The following CLASP1 variants were observed in gnomAD, a reference collection of about 807,000 sequenced individuals.
CLASP1 encodes CLIP-associating protein 1.
Under a neutral mutation model 192.3 loss-of-function variants are expected in CLASP1, and 38 were observed. The ratio of observed to expected loss-of-function variants is 0.20; its 90% CI spans 0.15 to 0.26. The LOEUF (loss-of-function observed/expected upper bound fraction) is 0.26. Among genes scored for constraint, CLASP1 ranks in the 10% least tolerant of loss-of-function variants. The pLI is 1.00. For synonymous variants in CLASP1, 691 were observed against 712.8 expected, an observed-to-expected ratio of 0.97 and a Z score of 0.49; for missense variants, 1,433 against 1,932.5, an observed-to-expected ratio of 0.74 and a Z score of 4.85.
At chr2:121,618,975 G>A (rs2106081274) in intron 1 of CLASP1, among the ~76,000 whole-genome samples, 1 of 152,278 alleles carries the variant, frequency 6.6e-6, no homozygotes, top group South Asian at 2.1e-4. Context: ...ATATAATTGT[G>A]TACCTTGGAA....
chr2:121,638,795 G>A (rs183889950), intron 1 of CLASP1, among the ~76,000 whole-genome samples: 5,920 of 151,872 alleles, frequency 0.039, 164 homozygotes, highest in Non-Finnish European at 0.055. Flanking sequence ...AGCCTCCCAA[G>A]TAGCTGAGAT....
At chr2:121,475,749 C>T (rs986151287) in intron 8 of CLASP1, among the ~76,000 whole-genome samples, 12 of 152,190 alleles carry the variant, frequency 7.9e-5, no homozygotes, top group African/African-American at 2.7e-4. Context: ...ACATATGTTA[C>T]ACATAAAATC....
At chr2:121,368,556 T>C (rs2067916505) in intron 34 of CLASP1, among the ~76,000 whole-genome samples, 1 of 152,158 alleles carries the variant, frequency 6.6e-6, no homozygotes, top group Non-Finnish European at 1.5e-5. Context: ...TCACTTTTGC[T>C]TTTAGGGTCC....
Position 121,455,407 on chromosome 2 carries a change from C to A in CLASP1, c.1385+2280G>T, listed in dbSNP as rs71424388. 6.2e-3 allele frequency among the ~76,000 whole-genome samples: 937 copies of A among 152,218 alleles called. 7 individuals are homozygous for A. The highest frequency in any genetic ancestry group is 0.044 in the South Asian group (212 of 4,828). On this transcript the variant is annotated intron_variant, in intron 14 of 39. Coordinates refer to ENST00000263710, the Ensembl canonical transcript of CLASP1. ...CAAGATAGGGAATCAACCTAAGTAT[C>A]CATCAACAGATGAGGAGATAAAGAT...
chr2:121,434,540 A>G (rs1326320678), intron 19 of CLASP1, among the ~76,000 whole-genome samples: 3 of 152,198 alleles, frequency 2.0e-5, no homozygotes, highest in Admixed American at 6.5e-5. Flanking sequence ...TGCTCAGATT[A>G]TAGGTGTGAG....
intron 1 of CLASP1, among the ~76,000 whole-genome samples, chr2:121,648,595 C>T (rs182714832): frequency 1.3e-5 from 2 of 152,272 alleles, no homozygotes; most frequent in African/African-American, 4.8e-5. Flanking sequence ...CCCAGCAGCT[C>T]GGAAAACGGA....
chr2:121,431,540 A>G (rs1446933985), intron 19 of CLASP1, among the ~76,000 whole-genome samples: 2 of 152,378 alleles, frequency 1.3e-5, no homozygotes, highest in East Asian at 3.9e-4. Flanking sequence ...GGCAAATCAC[A>G]AAGGCAAAGT....
rs74454324 is a variant in CLASP1 at position 121,554,050 on chromosome 2, T to TA, written c.196-23726dup. ...GCAACATAGTGAGATGCCATCTCTT[T>TA]AAAAAAAAAAAAAAACTTAGATGTG... On this transcript the variant is annotated intron_variant, in intron 2 of 39. Coordinates refer to ENST00000263710, the Ensembl canonical transcript of CLASP1. 6.6e-3 allele frequency among the ~76,000 whole-genome samples: 918 copies of TA among 139,170 alleles called. 2 individuals carry two copies. The highest frequency in any genetic ancestry group is 0.026 in the Middle Eastern group (7 of 274). 91.3% of individuals were successfully genotyped at this position (139,170 alleles called of 152,430 possible). A position where few individuals can be genotyped will look rare whatever the true frequency, so the allele number is the denominator to read the frequency against.
intron 2 of CLASP1, among the ~76,000 whole-genome samples, 180 bp downstream of exon 2, chr2:121,605,516 ATGAGT>A (rs1486372055): frequency 6.6e-6 from 1 of 152,202 alleles, no homozygotes. Context: ...TTGATCTGCA[ATGAGT>A]ATCAAAGAAA....
chr2:121,437,997 T>G (rs1364441088), intron 19 of CLASP1, among the ~76,000 whole-genome samples: 1 of 152,204 alleles, frequency 6.6e-6, no homozygotes, highest in Non-Finnish European at 1.5e-5. Flanking sequence ...TTTAAACACT[T>G]TAGTTATTTT....
chr2:121,568,034 T>C (rs949495215), intron 2 of CLASP1, among the ~76,000 whole-genome samples: 2 of 152,204 alleles, frequency 1.3e-5, no homozygotes, highest in African/African-American at 2.4e-5. Flanking sequence ...CAAGGCTTTA[T>C]ACACTTTCAG....
At chr2:121,376,526 T>TGGGGAGGGGG (rs2070196783) in intron 34 of CLASP1, among the ~76,000 whole-genome samples, 26 of 105,124 alleles carry the variant, frequency 2.5e-4, no homozygotes, top group South Asian at 3.2e-4. Flanking sequence ...TGGGAAGGGG[T>TGGGGAGGGGG]GGGGGGGGGG....
intron 2 of CLASP1, among the ~76,000 whole-genome samples, chr2:121,587,003 G>A (rs1416998138): frequency 6.6e-6 from 1 of 152,192 alleles, no homozygotes; most frequent in African/African-American, 2.4e-5. Flanking sequence ...AACACTTTGG[G>A]AGGCCGAGGC....
chr2:121,403,433 AAAG>A (rs1559053768), intron 26 of CLASP1: 2 of 456,604 alleles, frequency 4.4e-6, no homozygotes, highest in Middle Eastern at 3.2e-4. Context: ...ATAGGAAAAG[AAAG>A]AAGATGATGA....
At chr2:121,612,503 G>C (rs2065786782) in intron 1 of CLASP1, among the ~76,000 whole-genome samples, 1 of 151,910 alleles carries the variant, frequency 6.6e-6, no homozygotes, top group Non-Finnish European at 1.5e-5. Context: ...AGGGAAAAGA[G>C]GAGGAGGAGT....
intron 30 of CLASP1, among the ~76,000 whole-genome samples, chr2:121,396,319 T>C (rs1382101434): frequency 6.6e-6 from 1 of 152,210 alleles, no homozygotes. Context: ...AAAGTAACAC[T>C]ATATAATCCA....
At chr2:121,583,751 C>T (rs533038007) in intron 2 of CLASP1, among the ~76,000 whole-genome samples, 1 of 152,090 alleles carries the variant, frequency 6.6e-6, no homozygotes, top group South Asian at 2.1e-4. Context: ...TGTTTGTGTC[C>T]CCTCCAAAAT....
chr2:121,516,253 A>G (rs1044877489), intron 6 of CLASP1, among the ~76,000 whole-genome samples: 37 of 152,232 alleles, frequency 2.4e-4, no homozygotes, highest in Admixed American at 2.2e-3. Flanking sequence ...AAAAGTCCTA[A>G]AAGTCTACAT....
chr2:121,518,854 G>T (rs1287749932), intron 6 of CLASP1, among the ~76,000 whole-genome samples: 1 of 152,114 alleles, frequency 6.6e-6, no homozygotes, highest in Admixed American at 6.6e-5. Context: ...CTCCAGCCTG[G>T]GTGACAGAAC....
Sources: allele counts gnomAD v4.1 joint callset (sites outside exome capture counted in the v4.1 genomes callset), GRCh38; gene constraint gnomAD v4.1.1; transcripts MANE v1.5; gene names NCBI Gene and HGNC (gene_info 2026-07-23, HGNC 2026-07-21).